Variants in DOCK10 observed in about 807,000 individuals in gnomAD.
DOCK10 encodes the protein dedicator of cytokinesis protein 10.
In DOCK10, 145 loss-of-function variants were observed where a neutral mutation model predicts 280.1. That is an observed-to-expected ratio of 0.52 (90% CI 0.45 to 0.59). DOCK10 has a LOEUF of 0.59. DOCK10 is among the 20% of genes least tolerant of loss of function. The pLI, the probability that DOCK10 is intolerant of heterozygous loss-of-function variation, is 0.00. For missense variants in DOCK10, 2,368 were observed against 2,651.7 expected (o/e 0.89, Z 2.35); for synonymous variants, 915 against 942.2 (o/e 0.97, Z 0.53).
chr2:225,041,808 C>A (rs1575182154), intron 1 of DOCK10, among the ~76,000 whole-genome samples: 1 of 152,160 alleles, frequency 6.6e-6, no homozygotes, highest in South Asian at 2.1e-4. Flanking sequence ...TCTCTCTCAG[C>A]GCACTGGTCT....
At chr2:224,797,727 C>G (rs1692682040) in intron 42 of DOCK10, 105 bp downstream of exon 42, 4 of 1,316,620 alleles carry the variant, frequency 3.0e-6, no homozygotes, top group Admixed American at 4.8e-5. Context: ...AGAAAACAAT[C>G]CTTCTTCCCT....
intron 3 of DOCK10, among the ~76,000 whole-genome samples, chr2:224,905,349 G>A (rs951348358): frequency 2.7e-4 from 40 of 146,706 alleles, no homozygotes; most frequent in Non-Finnish European, 2.1e-4. Flanking sequence ...CCGGGTTCAC[G>A]CCATTCTCCT....
intron 2 of DOCK10, among the ~76,000 whole-genome samples, chr2:224,923,151 T>C (rs1435106743): frequency 6.6e-6 from 1 of 152,244 alleles, no homozygotes; most frequent in African/African-American, 2.4e-5. Flanking sequence ...GGGAAGGCCC[T>C]TCTTGTTTTG....
At chr2:224,841,677 T>C (rs1026150392) in intron 23 of DOCK10, 127 bp downstream of exon 23, 17 of 561,306 alleles carry the variant, frequency 3.0e-5, no homozygotes, top group African/African-American at 1.5e-4. Flanking sequence ...ACTCTCTGAA[T>C]TGATAAGGTA....
intron 28 of DOCK10, among the ~76,000 whole-genome samples, chr2:224,822,181 C>A (rs1694547515): frequency 6.6e-6 from 1 of 152,102 alleles, no homozygotes; most frequent in Non-Finnish European, 1.5e-5. Context: ...TTATAGTAGT[C>A]AAGAGTTAGA....
At chr2:224,928,066 G>C (rs984745076) in intron 2 of DOCK10, among the ~76,000 whole-genome samples, 4 of 152,200 alleles carry the variant, frequency 2.6e-5, no homozygotes, top group African/African-American at 9.7e-5. Context: ...AGGGAGAGCT[G>C]ATGAAATGAC....
Position 224,786,946 on chromosome 2 carries a change from T to A in DOCK10, c.5655+76A>T, listed in dbSNP as rs1691771490. ...CTCTCCATTCACTGGTACACACAGA[T>A]GTCTCATAAAGAATGAAAGACAACA... is the stretch of plus-strand genomic sequence containing the variant. On this transcript the variant is annotated intron_variant, in intron 50 of 55. Transcript: ENST00000258390. The surrounding 1 kb of genome is among the most constrained non-coding windows in gnomAD (Gnocchi z 4.7). 9.4e-7 allele frequency: 1 copy of A among 1,060,878 alleles called. No individual in the cohort carries two copies. The highest frequency in any genetic ancestry group is 1.5e-6 in the Non-Finnish European group (1 of 676,640). 65.7% of individuals were successfully genotyped at this position (1,060,878 alleles called of 1,614,324 possible).
At chr2:224,844,707 G>A (rs750414064) in intron 22 of DOCK10, 46 bp downstream of exon 22, 17 of 1,198,684 alleles carry the variant, frequency 1.4e-5, no homozygotes, top group Middle Eastern at 1.9e-4. Flanking sequence ...ACCTCATGAT[G>A]CTGTGAGTTA....
chr2:225,035,662 A>C lies in DOCK10; in HGVS notation c.123+6590T>G, dbSNP rs531160877. 5.8e-5 allele frequency among the ~76,000 whole-genome samples: 8 copies of C among 137,316 alleles called. No individual in the cohort carries two copies. The South Asian group carries it at 1.8e-3, about 31-fold the overall frequency. The allele number at this position is 137,316 out of a possible 152,430, so 90.1% of individuals were successfully genotyped here. ...CATAATAACCAAAGAATCAGTGTTA[A>C]TTGTGTGTTGTATTAGTCAGTGCGG... On this transcript the variant is annotated intron_variant, in intron 1 of 55. Transcript: ENST00000258390.
In DOCK10 at chr2:224,787,030, A is replaced by T. The variant is rs374316220; in HGVS notation, c.5647T>A (p.Tyr1883Asn). The T allele has an allele frequency of 3.4e-5, 55 of 1,613,438 alleles. No individual in the cohort carries two copies. The highest frequency in any genetic ancestry group is 4.6e-5 in the Non-Finnish European group (54 of 1,179,448). The change falls in exon 50 of 56, where the codon TAT becomes AAT. Residue 1883 changes from tyrosine (Y) to asparagine (N), a missense_variant. Physicochemically the swap from Tyr to Asn is moderately radical, Grantham distance 143 (BLOSUM62 -2). Transcript: ENST00000258390. Reference sequence around the variant, plus strand: ...ATTTCTGGTGAACTTACCTGCCCATAAAATGCCACACGATAGTAGCGACCA... The same window carrying T: ...ATTTCTGGTGAACTTACCTGCCCATTAAATGCCACACGATAGTAGCGACCA... The part of the protein sequence containing the change: ...LFGRYYRVAF[Y>N]GQGFFEEEEG...
At chr2:225,024,741 T>A (rs1219970404) in intron 1 of DOCK10, among the ~76,000 whole-genome samples, 1 of 119,852 alleles carries the variant, frequency 8.3e-6, no homozygotes, top group African/African-American at 3.2e-5. Context: ...AAAAAAAAAA[T>A]TTAGCCGGGC....
intron 1 of DOCK10, among the ~76,000 whole-genome samples, chr2:225,035,599 A>G (rs1690236870): frequency 8.6e-6 from 1 of 116,828 alleles, no homozygotes; most frequent in Non-Finnish European, 1.7e-5. Flanking sequence ...ACACTGAATC[A>G]GTGTTAATTG....
chr2:224,828,827 GA>G (rs759270149), intron 27 of DOCK10, among the ~76,000 whole-genome samples: 9 of 152,146 alleles, frequency 5.9e-5, no homozygotes, highest in African/African-American at 9.7e-5. Flanking sequence ...AACTCCTAGG[GA>G]CAAAACAGAG....
chr2:224,853,255 G>A (rs990041350), intron 16 of DOCK10, 133 bp from the exon 17 acceptor site: 15 of 648,798 alleles, frequency 2.3e-5, no homozygotes, highest in South Asian at 6.3e-5. Context: ...ATTAGCTTAC[G>A]CTAGCATGAA....
intron 45 of DOCK10, 131 bp downstream of exon 45, chr2:224,794,748 T>C (rs1420897075): frequency 5.0e-6 from 4 of 800,666 alleles, no homozygotes; most frequent in Non-Finnish European, 6.1e-6. Flanking sequence ...GTATATGATA[T>C]ATAACTGAGT....
intron 1 of DOCK10, among the ~76,000 whole-genome samples, chr2:225,029,528 A>G (rs1476021375): frequency 6.6e-6 from 1 of 152,212 alleles, no homozygotes; most frequent in Non-Finnish European, 1.5e-5. Flanking sequence ...TGACTGTACA[A>G]TCTCAAGAAA....
At chr2:224,912,613 ATT>A (rs777316063) in intron 3 of DOCK10, among the ~76,000 whole-genome samples, 1 of 152,176 alleles carries the variant, frequency 6.6e-6, no homozygotes, top group Non-Finnish European at 1.5e-5. Context: ...TGATGTGTGC[ATT>A]CTTTTATACT....
chr2:224,908,166 TTGTG>T, intron 3 of DOCK10, among the ~76,000 whole-genome samples: 1 of 136,352 alleles, frequency 7.3e-6, no homozygotes, highest in African/African-American at 2.7e-5. Context: ...TTTAAATGAG[TTGTG>T]TGTGTGTGTG....
At chr2:224,832,067 A>T (rs1015962461) in intron 26 of DOCK10, among the ~76,000 whole-genome samples, 4 of 152,200 alleles carry the variant, frequency 2.6e-5, no homozygotes, top group Admixed American at 2.6e-4. Flanking sequence ...AGCTACAAAA[A>T]GTCATATTGT....
Sources: gnomAD v4.1 joint callset for allele counts (sites outside exome capture counted in the v4.1 genomes callset) on GRCh38, gnomAD v4.1.1 for gene constraint, Gnocchi (gnomAD v3.1) non-coding constraint, MANE v1.5 for transcripts, NCBI Gene and HGNC (gene_info 2026-07-23, HGNC 2026-07-21) for gene names.